The following NOX5 variants were observed in gnomAD, a reference collection of about 807,000 sequenced individuals.
NOX5 encodes the protein NADPH oxidase 5.
Under a neutral mutation model 85.7 loss-of-function variants are expected in NOX5, and 76 were observed. That is an observed-to-expected ratio of 0.89 (90% confidence interval 0.74 to 1.07). The LOEUF (loss-of-function observed/expected upper bound fraction) is 1.07, where lower values mean the gene tolerates loss of function less well. Among genes scored for constraint, NOX5 ranks in the 50% least tolerant of loss-of-function variants. The pLI is 0.00. For synonymous variants in NOX5, 405 were observed against 401.4 expected, an observed-to-expected ratio of 1.01 and a Z score of -0.11; for missense variants, 973 against 999.5, an observed-to-expected ratio of 0.97 and a Z score of 0.36.
intron 3 of NOX5, chr15:69,028,813 G>T (rs1438493637): frequency 2.7e-5 from 4 of 149,426 alleles, no homozygotes; most frequent in East Asian, 2.0e-4. Context: ...CTAACTGGTT[G>T]CACATACACA....
At chr15:69,021,579 G>T (rs886543231) in intron 1 of NOX5, among the ~76,000 whole-genome samples, 4 of 152,184 alleles carry the variant, frequency 2.6e-5, no homozygotes, top group Non-Finnish European at 5.9e-5. Context: ...GCCTCCCAAA[G>T]TGCTGGGATT....
Position 69,022,922 on chromosome 15 carries a change from G to C in NOX5, c.51-3606G>C, listed in dbSNP as rs1049521271. ...CTCCTGAAAAGGATGTCTAAGTAGG[G>C]ACGAACAATCATCTTCTTCCCATTC... On this transcript the variant is annotated intron_variant, in intron 1 of 15. Coordinates refer to ENST00000388866, the MANE Select transcript of NOX5 (RefSeq NM_024505.4). 8.2e-6 allele frequency: 4 copies of C among 489,180 alleles called. No individual in the cohort carries two copies. In the East Asian group the frequency reaches 2.4e-4, roughly 30 times the overall value. The allele number at this position is 489,180 out of a possible 1,614,324, so 30.3% of individuals were successfully genotyped here. A position where few individuals can be genotyped will look rare whatever the true frequency, so the allele number is the denominator to read the frequency against.
At chr15:69,020,114 A>G (rs1181081930) in intron 1 of NOX5, among the ~76,000 whole-genome samples, 1 of 152,184 alleles carries the variant, frequency 6.6e-6, no homozygotes, top group Non-Finnish European at 1.5e-5. Flanking sequence ...TCTATGTTAA[A>G]AGAACACTAA....
rs1247818179 is a variant in NOX5 at position 69,039,000 on chromosome 15, C to T, written c.1504+11C>T. ...CTCCTGAGCAGAAAGGTAATGGCCA[C>T]CTCCTCCAGTCACTCTGCACATATT... On this transcript the variant is annotated intron_variant, in intron 9 of 15. Coordinates refer to ENST00000388866, the MANE Select transcript of NOX5 (RefSeq NM_024505.4). The T allele has an allele frequency of 6.2e-7, 1 of 1,614,006 alleles. No homozygotes were observed.
At position 69,052,037 on chromosome 15, in the gene NOX5, T is replaced by C. The variant is rs77951104; in HGVS notation, c.1999+2979T>C. Among the ~76,000 whole-genome samples the C allele has an allele frequency of 9.3e-3, 1,417 of 152,170 alleles. 12 individuals carry two copies. The highest frequency in any genetic ancestry group is 0.025 in the East Asian group (132 of 5,178). On this transcript the variant is annotated intron_variant, in intron 14 of 15. Coordinates refer to ENST00000388866, the MANE Select transcript of NOX5 (RefSeq NM_024505.4). ...GACCAGCCTGGGCAACACAGGCACA[T>C]GCTGTCTCTACAAAAAATGTTTTTT...
intron 2 of NOX5, 103 bp downstream of exon 2, chr15:69,026,754 T>G (rs1193528245): frequency 1.3e-6 from 2 of 1,505,738 alleles, no homozygotes; most frequent in African/African-American, 1.4e-5. Flanking sequence ...CTGGGGTTCC[T>G]GAGGTCTCCA....
chr15:69,031,313 TG>T, intron 3 of NOX5: 1 of 590,258 alleles, frequency 1.7e-6, no homozygotes, highest in Non-Finnish European at 3.0e-6. Context: ...TTACCGATTC[TG>T]GAGACAGGCA....
chr15:69,042,211 T>G (rs1487606731), intron 9 of NOX5, among the ~76,000 whole-genome samples: 1 of 152,228 alleles, frequency 6.6e-6, no homozygotes, highest in Non-Finnish European at 1.5e-5. Flanking sequence ...CAGTCATTCA[T>G]TCAACAGATG....
chr15:69,021,605 C>T (rs1261985377), intron 1 of NOX5, among the ~76,000 whole-genome samples: 1 of 152,136 alleles, frequency 6.6e-6, no homozygotes, highest in Non-Finnish European at 1.5e-5. Context: ...TGTGAGCCAC[C>T]GCACCTAGCC....
At chr15:69,027,849 A>G (rs1354008144) in intron 2 of NOX5, among the ~76,000 whole-genome samples, 3 of 152,106 alleles carry the variant, frequency 2.0e-5, no homozygotes, top group Non-Finnish European at 4.4e-5. Context: ...GGCTGGAAGG[A>G]GCCTGCAGGA....
At chr15:69,033,529 G>A (rs2050469617) in intron 5 of NOX5, among the ~76,000 whole-genome samples, 2 of 152,148 alleles carry the variant, frequency 1.3e-5, no homozygotes, top group Non-Finnish European at 1.5e-5. Flanking sequence ...ACGGTGCTGA[G>A]CACGCTCCAT....
chr15:69,049,986 C>A (rs1030452200), intron 14 of NOX5, among the ~76,000 whole-genome samples: 22 of 152,332 alleles, frequency 1.4e-4, no homozygotes, highest in Non-Finnish European at 1.5e-4. Context: ...GCAGTCAACA[C>A]CCTCCCCTGA....
At chr15:69,042,001 T>G (rs1206200451) in intron 9 of NOX5, among the ~76,000 whole-genome samples, 4 of 151,898 alleles carry the variant, frequency 2.6e-5, no homozygotes, top group African/African-American at 9.7e-5. Flanking sequence ...CTTCGTGTAT[T>G]TAGACCCTTA....
chr15:69,014,814 T>C, intron 1 of NOX5, 29 bp downstream of exon 1: 2 of 1,473,590 alleles, frequency 1.4e-6, no homozygotes, highest in Non-Finnish European at 1.9e-6. Flanking sequence ...CAGCTTTCCA[T>C]GCCAGGGACA....
At position 69,044,122 on chromosome 15, in the gene NOX5, T is replaced by C. The variant is rs377557948; in HGVS notation, c.1647+1317T>C. Among the ~76,000 whole-genome samples, 643 of 151,890 alleles carry C rather than the reference T, an allele frequency of 4.2e-3. 1 individual carries two copies. The highest frequency in any genetic ancestry group is 0.015 in the African/African-American group (622 of 41,380). ...TCTCTTGAACCCAGGAGGCAGAGGT[T>C]GCAGTGAGTCGAGATTACACCACTG... On this transcript the variant is annotated intron_variant, in intron 10 of 15. Coordinates refer to ENST00000388866, the MANE Select transcript of NOX5 (RefSeq NM_024505.4).
In NOX5 at chr15:69,060,233, A is replaced by AGGGGAG. The variant is rs1268197544; in HGVS notation, c.*3542_*3547dup. The AGGGGAG allele has an allele frequency of 2.6e-5, 4 of 152,140 alleles. No homozygotes were observed. In the South Asian group the frequency reaches 8.3e-4, roughly 32 times the overall value. The allele number at this position is 152,140 out of a possible 1,614,324, so 9.4% of individuals were successfully genotyped here. A position where few individuals can be genotyped will look rare whatever the true frequency, so the allele number is the denominator to read the frequency against. ...TACACTGAGCTGGGGCATTCGTGGG[A>AGGGGAG]GGGGAGGGGGCATGGGCAACATGGA... is the stretch of plus-strand genomic sequence containing the variant. On this transcript the variant is annotated 3_prime_UTR_variant, in exon 16 of 16. Coordinates refer to ENST00000388866, the MANE Select transcript of NOX5 (RefSeq NM_024505.4).
At chr15:69,033,542 G>A (rs930498658) in intron 5 of NOX5, among the ~76,000 whole-genome samples, 1 of 152,122 alleles carries the variant, frequency 6.6e-6, no homozygotes, top group Non-Finnish European at 1.5e-5. Context: ...CGCTCCATTT[G>A]ATCTTCACAA....
At chr15:69,031,868 G>C (rs943208807) in intron 4 of NOX5, 56 bp downstream of exon 4, 2 of 1,515,184 alleles carry the variant, frequency 1.3e-6, no homozygotes, top group East Asian at 2.4e-5. Context: ...ACTCCTGGTC[G>C]GAAGTGTGGC....
rs1457584363 is a variant in NOX5 at position 69,031,636 on chromosome 15, T to C, written c.444T>C (p.Thr148=). Residue 148 remains threonine (T), a synonymous_variant, in exon 4 of 16, where the codon ACT becomes ACC. Transcript: ENST00000388866. The part of the protein sequence containing the change: ...SGSIDPDELR[T]VLQSCLRESA... ...CCATTGACCCGGATGAGCTGCGCAC[T>C]GTGCTGCAGTCGTGTCTGCGCGAGA... 6.2e-7 allele frequency: 1 copy of C among 1,613,428 alleles called. No homozygotes were observed. Among genetic ancestry groups the C allele is most frequent in the Non-Finnish European group, 8.5e-7 (1 of 1,179,996 alleles).
Sources: allele counts gnomAD v4.1 joint callset (sites outside exome capture counted in the v4.1 genomes callset), GRCh38; gene constraint gnomAD v4.1.1; transcripts MANE v1.5; gene names NCBI Gene and HGNC (gene_info 2026-07-23, HGNC 2026-07-21).